Variants in PRSS23 observed in about 807,000 individuals in gnomAD.
PRSS23 encodes protease, serine 23.
PRSS23 carries 25 observed loss-of-function variants against 34.7 expected under a neutral mutation model. The observed-to-expected ratio is 0.72, with a 90% CI of 0.53 to 1.01. PRSS23 has a LOEUF of 1.01. Ranked by LOEUF, PRSS23 falls within the 50% of genes least tolerant of loss-of-function variation. PRSS23 has a pLI of 0.00. For synonymous variants in PRSS23, 176 were observed against 186.6 expected (o/e 0.94, Z 0.46); for missense variants, 445 against 475.6 (o/e 0.94, Z 0.60).
intron 2 of PRSS23, chr11:86,832,605 TG>T: frequency 2.0e-6 from 1 of 496,572 alleles, no homozygotes. Context: ...GGGTTCAGCA[TG>T]GGGGTGATCA....
At chr11:86,893,281 T>C (rs1451318388) in intron 2 of PRSS23, among the ~76,000 whole-genome samples, 5 of 152,226 alleles carry the variant, frequency 3.3e-5, no homozygotes, top group African/African-American at 1.2e-4. Context: ...AAACTTCTAA[T>C]GTTCTAAGCC....
chr11:86,818,898 T>C (rs1730091425), intron 1 of PRSS23, among the ~76,000 whole-genome samples: 1 of 152,210 alleles, frequency 6.6e-6, no homozygotes, highest in Non-Finnish European at 1.5e-5. Context: ...TTCAAGTTTG[T>C]TCTCTTTTTT....
At chr11:86,821,297 A>T in intron 1 of PRSS23, 1 of 578,794 alleles carries the variant, frequency 1.7e-6, no homozygotes, top group South Asian at 2.4e-5. Flanking sequence ...TTCATCAAAT[A>T]TCTACCAATG....
chr11:86,861,489 A>G (rs1002581949), intron 2 of PRSS23, among the ~76,000 whole-genome samples: 6 of 151,532 alleles, frequency 4.0e-5, no homozygotes, highest in African/African-American at 9.7e-5. Context: ...ATAATTCCCT[A>G]TATCGCAGAA....
At chr11:86,879,343 C>T (rs935555292) in intron 2 of PRSS23, among the ~76,000 whole-genome samples, 1 of 150,740 alleles carries the variant, frequency 6.6e-6, no homozygotes, top group African/African-American at 2.4e-5. Flanking sequence ...GACCCTCTGC[C>T]TGGCAACCGC....
chr11:86,791,567 C>T (rs1188274512), intron 1 of PRSS23, among the ~76,000 whole-genome samples: 1 of 152,228 alleles, frequency 6.6e-6, no homozygotes, highest in East Asian at 1.9e-4. Context: ...CACAAGCTCA[C>T]TTGTTTTTCA....
intron 2 of PRSS23, among the ~76,000 whole-genome samples, chr11:86,884,978 T>C (rs774742416): frequency 1.6e-4 from 24 of 152,356 alleles, no homozygotes; most frequent in Non-Finnish European, 1.6e-4. Context: ...TCACAATATA[T>C]TTGTCTCTGT....
intron 1 of PRSS23, among the ~76,000 whole-genome samples, chr11:86,801,652 T>C (rs1948040036): frequency 6.6e-6 from 1 of 152,218 alleles, no homozygotes; most frequent in African/African-American, 2.4e-5. Flanking sequence ...AAAAGCCCTA[T>C]GTCAAAGTAG....
At chr11:86,896,758 A>G (rs17820361) in intron 2 of PRSS23, among the ~76,000 whole-genome samples, 2,035 of 152,354 alleles carry the variant, frequency 0.013, 26 homozygotes, top group Non-Finnish European at 0.02. Flanking sequence ...TTCATCTTCC[A>G]CTAATGCAGC....
chr11:86,793,145 A>G (rs1462194267), intron 1 of PRSS23, among the ~76,000 whole-genome samples: 1 of 152,232 alleles, frequency 6.6e-6, no homozygotes, highest in African/African-American at 2.4e-5. Flanking sequence ...CTGTATTGAA[A>G]AAAGGATTCC....
At chr11:86,937,979 C>G (rs1404296035) in intron 2 of PRSS23, among the ~76,000 whole-genome samples, 1 of 152,156 alleles carries the variant, frequency 6.6e-6, no homozygotes, top group Non-Finnish European at 1.5e-5. Context: ...GGTGTGAAAG[C>G]TGAGGTCATT....
At chr11:86,812,801 A>AAG, downstream of PRSS23, among the ~76,000 whole-genome samples, 1 of 149,964 alleles carries the variant, frequency 6.7e-6, no homozygotes, top group East Asian at 2.0e-4. Context: ...AAAAAAAAAA[A>AAG]AAAGAAAAAG....
At chr11:86,890,507 C>G (rs951227000) in intron 2 of PRSS23, among the ~76,000 whole-genome samples, 2 of 152,188 alleles carry the variant, frequency 1.3e-5, no homozygotes, top group African/African-American at 4.8e-5. Flanking sequence ...TACCCTTAGA[C>G]TGACCCTGTA....
intron 2 of PRSS23, chr11:86,857,177 C>T: frequency 2.9e-6 from 1 of 348,442 alleles, no homozygotes; most frequent in African/African-American, 2.2e-5. Context: ...GCGTACATCA[C>T]TGATGCCACC....
At chr11:86,891,170 C>T (rs1361543122) in intron 2 of PRSS23, among the ~76,000 whole-genome samples, 1 of 152,154 alleles carries the variant, frequency 6.6e-6, no homozygotes, top group Non-Finnish European at 1.5e-5. Context: ...AGCCGGCTCT[C>T]CACCACTGGA....
Position 86,800,635 on chromosome 11 carries a change from CGGGCTGCTCGGCGCGGGT to C in PRSS23, c.-28_-14+3del. On this transcript the variant is annotated splice_donor_variant and 5_prime_UTR_variant, in exon 1 of 2. Transcript: ENST00000280258. LOFTEE classifies it low-confidence loss of function (5UTR_SPLICE). ...GCGGCGCAGCGAGCCGCGGCCCGGGCGGGCTGCTCGGCGCGGGTGAGTGCGGGCACCGACTGGGGCATC... is the reference window on the plus strand; with the variant it reads ...GCGGCGCAGCGAGCCGCGGCCCGGGCGAGTGCGGGCACCGACTGGGGCATC... 7 of 985,124 alleles carry C rather than the reference CGGGCTGCTCGGCGCGGGT, an allele frequency of 7.1e-6. No homozygotes were observed. The highest frequency in any genetic ancestry group is 8.4e-6 in the Non-Finnish European group (7 of 829,828). The allele number at this position is 985,124 out of a possible 1,614,324, so 61.0% of individuals were successfully genotyped here.
chr11:86,824,330 AAAAATAAAATAAAAT>A (rs55920841), intron 2 of PRSS23, among the ~76,000 whole-genome samples: 53 of 133,158 alleles, frequency 4.0e-4, no homozygotes, highest in African/African-American at 1.0e-3. Context: ...AAATAAAAAT[AAAAATAAAATAAAAT>A]AAAATAAAAT....
At chr11:86,827,846 G>C (rs1948315685) in intron 2 of PRSS23, among the ~76,000 whole-genome samples, 1 of 152,218 alleles carries the variant, frequency 6.6e-6, no homozygotes, top group African/African-American at 2.4e-5. Flanking sequence ...TGATTGCACT[G>C]TGGTCTGAGA....
At chr11:86,951,314 A>C in exon 3 of PRSS23, 4 of 1,614,114 alleles carry the variant, frequency 2.5e-6, no homozygotes, top group Non-Finnish European at 3.4e-6. Flanking sequence ...AGACATAAAA[A>C]TTTTCAACAT....
Sources: gnomAD v4.1 joint callset for allele counts (sites outside exome capture counted in the v4.1 genomes callset) on GRCh38, gnomAD v4.1.1 for gene constraint, MANE v1.5 for transcripts, NCBI Gene and HGNC (gene_info 2026-07-23, HGNC 2026-07-21) for gene names.